PTPRJ: variants seen among roughly 807,000 people sequenced by gnomAD.
PTPRJ encodes receptor-type tyrosine-protein phosphatase eta.
In PTPRJ, 129 loss-of-function variants were observed where a neutral mutation model predicts 141.3. The observed-to-expected ratio is 0.91, with a 90% CI of 0.79 to 1.06. The LOEUF (loss-of-function observed/expected upper bound fraction) is 1.06. Among genes scored for constraint, PTPRJ ranks in the 50% least tolerant of loss-of-function variants. The pLI, the probability that PTPRJ is intolerant of heterozygous loss-of-function variation, is 0.00. For missense variants in PTPRJ, 1,601 were observed against 1,679.7 expected (o/e 0.95, Z 0.82); for synonymous variants, 610 against 640.5 (o/e 0.95, Z 0.72).
intron 1 of PTPRJ, among the ~76,000 whole-genome samples, chr11:48,013,063 C>A (rs1854850478): frequency 6.7e-6 from 1 of 149,614 alleles, no homozygotes; most frequent in Admixed American, 6.6e-5. Flanking sequence ...GAGATTGTGC[C>A]ACTGCACTCC....
chr11:48,140,656 T>C (rs35610858), intron 11 of PTPRJ, among the ~76,000 whole-genome samples: 9,060 of 152,266 alleles, frequency 0.06, 308 homozygotes, highest in Middle Eastern at 0.11. Flanking sequence ...GCTTGTAGTT[T>C]AGAGCAGGAC....
At chr11:48,007,193 CG>C (rs1854645338) in intron 1 of PTPRJ, among the ~76,000 whole-genome samples, 1 of 151,918 alleles carries the variant, frequency 6.6e-6, no homozygotes. Context: ...CTCCGCCTCC[CG>C]GGTTCACGCC....
At chr11:48,147,743 A>G (rs1044768446) in intron 15 of PTPRJ, among the ~76,000 whole-genome samples, 2 of 152,154 alleles carry the variant, frequency 1.3e-5, no homozygotes, top group Non-Finnish European at 1.5e-5. Flanking sequence ...GGGAATCTCC[A>G]TCCTGCCTTA....
At chr11:48,107,160 G>A (rs1856312923) in intron 1 of PTPRJ, among the ~76,000 whole-genome samples, 1 of 151,990 alleles carries the variant, frequency 6.6e-6, no homozygotes, top group South Asian at 2.1e-4. Flanking sequence ...GCAGAAAGCC[G>A]TGTTAACCAT....
At chr11:48,067,423 G>T (rs1011574285) in intron 1 of PTPRJ, among the ~76,000 whole-genome samples, 34 of 152,196 alleles carry the variant, frequency 2.2e-4, no homozygotes, top group African/African-American at 7.2e-4. Context: ...CTGGAGATAG[G>T]ATGTGCTTTC....
intron 1 of PTPRJ, among the ~76,000 whole-genome samples, chr11:48,078,928 A>C (rs1407379697): frequency 1.3e-5 from 2 of 151,872 alleles, no homozygotes; most frequent in Non-Finnish European, 2.9e-5. Context: ...CAAAGACTAA[A>C]ATATGTACTT....
At chr11:48,117,575 A>AAAAAAAAT (rs1856601960) in intron 3 of PTPRJ, among the ~76,000 whole-genome samples, 1 of 115,152 alleles carries the variant, frequency 8.7e-6, no homozygotes, top group African/African-American at 3.1e-5. Context: ...AAAAAAAAAA[A>AAAAAAAAT]GCAAGCTCAT....
chr11:47,992,433 A>G (rs1349553911), intron 1 of PTPRJ, among the ~76,000 whole-genome samples: 1 of 152,184 alleles, frequency 6.6e-6, no homozygotes, highest in Non-Finnish European at 1.5e-5. Context: ...TTGGCCTCCC[A>G]AAGTGCTGGA....
rs948332497 is a variant in PTPRJ, at chr11:48,167,677, T to G, written c.*315T>G. 6 of 225,554 alleles carry G rather than the reference T, an allele frequency of 2.7e-5. No homozygotes were observed. Among genetic ancestry groups the G allele is most frequent in the Non-Finnish European group, 5.1e-5 (6 of 117,136 alleles). 14.0% of individuals were successfully genotyped at this position (225,554 alleles called of 1,614,324 possible). On this transcript the variant is annotated 3_prime_UTR_variant, in exon 25 of 25. Coordinates refer to ENST00000418331, the MANE Select transcript of PTPRJ (RefSeq NM_002843.4). The stretch of plus-strand genomic sequence containing the variant: ...TATGATTTTTTTTTCCAAAACAATT[T>G]CTTTTTTAAAAAAGACTATTTTATA...
intron 12 of PTPRJ, 62 bp from the exon 13 acceptor site, chr11:48,144,613 C>A: frequency 1.5e-6 from 2 of 1,317,850 alleles, no homozygotes; most frequent in Non-Finnish European, 2.2e-6. Flanking sequence ...TGTAGATATG[C>A]AGGAGAAGAA....
chr11:48,102,297 C>T (rs565500978), intron 1 of PTPRJ, among the ~76,000 whole-genome samples: 5 of 152,300 alleles, frequency 3.3e-5, no homozygotes, highest in African/African-American at 9.6e-5. Context: ...AGCACTTCCC[C>T]CCGGGAAGCG....
intron 21 of PTPRJ, among the ~76,000 whole-genome samples, chr11:48,159,123 G>GGGTGTGTGTGTCTGTGTGT (rs1555058316): frequency 7.2e-6 from 1 of 139,468 alleles, no homozygotes; most frequent in African/African-American, 2.7e-5. Context: ...TGTATGTGGG[G>GGGTGTGTGTGTCTGTGTGT]TGTGTGTGTG....
At chr11:48,136,396 T>G (rs368925420) in intron 9 of PTPRJ, 100 bp downstream of exon 9, 1 of 1,429,466 alleles carries the variant, frequency 7.0e-7, no homozygotes, top group Admixed American at 2.0e-5. Flanking sequence ...GGGATCCAGG[T>G]TGACTCTGAA....
In PTPRJ at chr11:48,112,858, C is replaced by A; in HGVS notation, c.227C>A (p.Thr76Lys). 1 of 1,614,180 alleles carries A rather than the reference C, an allele frequency of 6.2e-7. No individual in the cohort carries two copies. Among genetic ancestry groups the A allele is most frequent in the Non-Finnish European group, 8.5e-7 (1 of 1,180,016 alleles). Residue 76 changes from threonine to lysine, a missense_variant, in exon 3 of 25, where the codon ACA becomes AAA. Transcript: ENST00000418331. ...TTTCATAAACAGAATGGAACTGGAA[C>A]ACCTCAGGTGGAAACAAACACCAGT... ...ESFHKQNGTG[T>K]PQVETNTSED...
At chr11:48,149,061 C>G (rs912695287) in intron 15 of PTPRJ, among the ~76,000 whole-genome samples, 2 of 152,180 alleles carry the variant, frequency 1.3e-5, no homozygotes, top group Non-Finnish European at 2.9e-5. Flanking sequence ...AGTTCCGGAT[C>G]TGATATGTTT....
rs376023241 is a variant in PTPRJ, at chr11:48,137,090, C to T, written c.1961C>T (p.Thr654Met). 1.0e-5 allele frequency: 16 copies of T among 1,606,112 alleles called. No individual in the cohort carries two copies. Among genetic ancestry groups the T allele is most frequent in the South Asian group, 4.4e-5 (4 of 90,908 alleles). ...SWQNFDDASP[T>M]YSYCLLIEKA... ...CAGAACTTTGATGACGCCTCTCCCA[C>T]GTACTCCTACTGCCTTCTTATTGAG... The change falls in exon 10 of 25, where the codon ACG becomes ATG. Residue 654 changes from threonine to methionine, a missense_variant. Transcript: ENST00000418331.
At chr11:48,094,679 C>A (rs950430908) in intron 1 of PTPRJ, among the ~76,000 whole-genome samples, 4 of 152,092 alleles carry the variant, frequency 2.6e-5, no homozygotes, top group Non-Finnish European at 5.9e-5. Flanking sequence ...GGCTTTTCTG[C>A]TGTGTTTACT....
chr11:48,054,180 C>T (rs1269277346), intron 1 of PTPRJ, among the ~76,000 whole-genome samples: 4 of 152,136 alleles, frequency 2.6e-5, no homozygotes, highest in African/African-American at 7.2e-5. Context: ...GTGATTTGCC[C>T]GCCTTGGCCT....
intron 1 of PTPRJ, among the ~76,000 whole-genome samples, chr11:48,102,206 T>C (rs2134314324): frequency 6.6e-6 from 1 of 152,284 alleles, no homozygotes; most frequent in East Asian, 1.9e-4. Context: ...AAAATCAACA[T>C]CGTGGGGGCA....
Sources: allele counts gnomAD v4.1 joint callset (sites outside exome capture counted in the v4.1 genomes callset), GRCh38; gene constraint gnomAD v4.1.1; transcripts MANE v1.5; gene names NCBI Gene and HGNC (gene_info 2026-07-23, HGNC 2026-07-21).